The following CCDC6 variants were observed in gnomAD, a reference collection of about 807,000 sequenced individuals.
The protein encoded by CCDC6 is coiled-coil domain containing 6.
Under a neutral mutation model 56.6 loss-of-function variants are expected in CCDC6, and 20 were observed. The ratio of observed to expected loss-of-function variants is 0.35; its 90% CI spans 0.25 to 0.51. The LOEUF (loss-of-function observed/expected upper bound fraction) is 0.51. Among genes scored for constraint, CCDC6 ranks in the 20% least tolerant of loss-of-function variants. CCDC6 has a pLI of 0.95. For missense variants in CCDC6, 367 were observed against 601.1 expected, an observed-to-expected ratio of 0.61 and a Z score of 4.07; for synonymous variants, 241 against 234.4, an observed-to-expected ratio of 1.03 and a Z score of -0.26.
intron 1 of CCDC6, among the ~76,000 whole-genome samples, chr10:59,862,516 T>TATACACAC (rs1554886091): frequency 3.3e-4 from 32 of 97,188 alleles, no homozygotes; most frequent in African/African-American, 1.1e-3. Flanking sequence ...TATATATATA[T>TATACACAC]ACACACACAC....
intron 1 of CCDC6, among the ~76,000 whole-genome samples, chr10:59,856,241 G>A (rs1025574585): frequency 1.3e-5 from 2 of 151,252 alleles, no homozygotes; most frequent in African/African-American, 4.9e-5. Flanking sequence ...TCCTCCAAAC[G>A]TAAAACCCCA....
intron 2 of CCDC6, among the ~76,000 whole-genome samples, chr10:59,844,575 C>G (rs1195620155): frequency 6.7e-6 from 1 of 149,754 alleles, no homozygotes; most frequent in Non-Finnish European, 1.5e-5. Context: ...CATGGTAAAA[C>G]CCTGTCTCTA....
intron 2 of CCDC6, among the ~76,000 whole-genome samples, chr10:59,842,928 T>C (rs2070953648): frequency 1.3e-5 from 2 of 152,052 alleles, no homozygotes; most frequent in South Asian, 4.1e-4. Context: ...TAATTGCTTG[T>C]ATTTTTAGTA....
At chr10:59,827,827 C>T (rs1279858556) in intron 3 of CCDC6, among the ~76,000 whole-genome samples, 3 of 152,160 alleles carry the variant, frequency 2.0e-5, no homozygotes, top group Non-Finnish European at 4.4e-5. Context: ...ACATGGTAGG[C>T]AATCCTGTTA....
chr10:59,812,540 C>T (rs1589037796), intron 5 of CCDC6, 95 bp downstream of exon 5: 1 of 780,414 alleles, frequency 1.3e-6, no homozygotes, highest in East Asian at 2.8e-5. Context: ...TTAATTACTG[C>T]AAATTCAACA....
rs932209490 is a variant in CCDC6, at chr10:59,813,103, G to A, written c.687-308C>T. On this transcript the variant is annotated intron_variant, in intron 4 of 8. Coordinates refer to ENST00000263102, the MANE Select transcript of CCDC6 (RefSeq NM_005436.5). ...GATAATTATGCCTGGAATACAGTAT[G>A]CACTTAGAAATACCTGCTGACTCAA... is the stretch of plus-strand genomic sequence containing the variant. 9.9e-5 allele frequency among the ~76,000 whole-genome samples: 15 copies of A among 152,200 alleles called. 1 individual carries two copies. In the South Asian group the frequency reaches 1.7e-3, roughly 17 times the overall value.
chr10:59,876,011 T>C (rs952449479), intron 1 of CCDC6, among the ~76,000 whole-genome samples: 12 of 149,278 alleles, frequency 8.0e-5, no homozygotes, highest in African/African-American at 3.0e-4. Context: ...TCTTAATAAA[T>C]TCGCAATGCC....
chr10:59,846,037 G>A lies in CCDC6; in HGVS notation c.453+6516C>T, dbSNP rs78607541. Among the ~76,000 whole-genome samples the A allele has an allele frequency of 8.7e-4, 132 of 152,328 alleles. 1 individual carries two copies. In the East Asian group the frequency reaches 0.017, roughly 19 times the overall value. ...AAACTTGAAGGGGAGCGAGGGTGAA[G>A]AGGATGCTTCAGATTCTAGTGTACA... On this transcript the variant is annotated intron_variant, in intron 2 of 8. Transcript: ENST00000263102.
intron 1 of CCDC6, among the ~76,000 whole-genome samples, chr10:59,873,694 A>G (rs549244254): frequency 3.0e-4 from 46 of 152,290 alleles, no homozygotes; most frequent in African/African-American, 9.6e-4. Context: ...CTATATTTTA[A>G]TATTTAGTAT....
intron 1 of CCDC6, among the ~76,000 whole-genome samples, chr10:59,884,867 C>T (rs2071370722): frequency 6.6e-6 from 1 of 152,254 alleles, no homozygotes; most frequent in South Asian, 2.1e-4. Flanking sequence ...AATTTGAGAC[C>T]AGCCTGGCCA....
In CCDC6 at chr10:59,788,941, GC is replaced by G. The variant is rs1478188901; in HGVS notation, c.*3975del. The stretch of plus-strand genomic sequence containing the variant: ...TCCAACCTAGTCAAGTTGTAGACAA[GC>G]TATCATGAACAACATACAGTGTGCA... On this transcript the variant is annotated 3_prime_UTR_variant, in exon 9 of 9. Coordinates refer to ENST00000263102, the MANE Select transcript of CCDC6 (RefSeq NM_005436.5). The G allele has an allele frequency of 4.7e-6, 1 of 213,416 alleles. No homozygotes were observed. Among genetic ancestry groups the G allele is most frequent in the African/African-American group, 2.3e-5 (1 of 44,212 alleles). 13.2% of individuals were successfully genotyped at this position (213,416 alleles called of 1,614,324 possible).
chr10:59,865,109 G>C (rs541415272), intron 1 of CCDC6, among the ~76,000 whole-genome samples: 3 of 152,252 alleles, frequency 2.0e-5, no homozygotes, highest in South Asian at 4.1e-4. Flanking sequence ...AGCTATTTAC[G>C]AGAAACCTAT....
intron 1 of CCDC6, among the ~76,000 whole-genome samples, chr10:59,889,509 G>T (rs2071406484): frequency 6.6e-6 from 1 of 152,144 alleles, no homozygotes; most frequent in Admixed American, 6.5e-5. Context: ...GTACTCAACA[G>T]CTGCCCAGGC....
intron 1 of CCDC6, among the ~76,000 whole-genome samples, chr10:59,854,481 C>G (rs1044480198): frequency 6.6e-6 from 1 of 152,152 alleles, no homozygotes; most frequent in Admixed American, 6.5e-5. Flanking sequence ...TGGGGTAGTC[C>G]AAGAGAGCTA....
chr10:59,844,364 C>G lies in CCDC6; in HGVS notation c.453+8189G>C, dbSNP rs1237752873. Among the ~76,000 whole-genome samples the G allele has an allele frequency of 2.0e-5, 3 of 150,122 alleles. No homozygotes were observed. In the South Asian group the frequency reaches 6.3e-4, roughly 32 times the overall value. On this transcript the variant is annotated intron_variant, in intron 2 of 8. Transcript: ENST00000263102. The stretch of plus-strand genomic sequence containing the variant: ...GTTAAGTTTGAGTTTCCTGGATTTC[C>G]AGGAGCATGATGCCACTAAAAGCAT...
At chr10:59,906,043 G>T in intron 1 of CCDC6, 79 bp downstream of exon 1, 1 of 1,238,910 alleles carries the variant, frequency 8.1e-7, no homozygotes, top group Non-Finnish European at 1.1e-6. Flanking sequence ...GAAGACTTGG[G>T]GGGTGGCTGG....
chr10:59,851,971 T>C (rs916401709), intron 2 of CCDC6, among the ~76,000 whole-genome samples: 1 of 152,110 alleles, frequency 6.6e-6, no homozygotes, highest in Admixed American at 6.5e-5. Flanking sequence ...AGTAGAGAAA[T>C]CAAACCTTCC....
chr10:59,890,388 G>C (rs1247979456), intron 1 of CCDC6, among the ~76,000 whole-genome samples: 11 of 152,168 alleles, frequency 7.2e-5, no homozygotes, highest in Non-Finnish European at 1.2e-4. Flanking sequence ...CCCCGCAAAA[G>C]GAGGGGATGC....
chr10:59,839,395 A>C (rs1311175146), intron 2 of CCDC6, among the ~76,000 whole-genome samples: 1 of 152,216 alleles, frequency 6.6e-6, no homozygotes, highest in Non-Finnish European at 1.5e-5. Flanking sequence ...ATACTGATTG[A>C]ATAAATGATA....
Sources: allele counts gnomAD v4.1 joint callset (sites outside exome capture counted in the v4.1 genomes callset), GRCh38; gene constraint gnomAD v4.1.1; transcripts MANE v1.5; gene names NCBI Gene and HGNC (gene_info 2026-07-23, HGNC 2026-07-21).